Variants in NCAPD3 observed in about 807,000 individuals in gnomAD.
NCAPD3 encodes condensin-2 complex subunit D3.
In NCAPD3, 105 loss-of-function variants were observed where a neutral mutation model predicts 182.9. That is an observed-to-expected ratio of 0.57 (90% CI 0.49 to 0.68). The LOEUF is 0.68. Among genes scored for constraint, NCAPD3 ranks in the 30% least tolerant of loss-of-function variants. NCAPD3 has a pLI of 0.00. For missense variants in NCAPD3, 1,944 were observed against 1,837.0 expected, an observed-to-expected ratio of 1.06 and a Z score of -1.07; for synonymous variants, 815 against 679.9, an observed-to-expected ratio of 1.20 and a Z score of -3.09.
intron 27 of NCAPD3, 68 bp downstream of exon 27, chr11:134,167,926 CGT>C: frequency 7.0e-7 from 1 of 1,419,984 alleles, no homozygotes; most frequent in Non-Finnish European, 9.7e-7. Flanking sequence ...GGTGCACACT[CGT>C]GAGATGAGCT....
chr11:134,191,984 T>C (rs1324390686), intron 16 of NCAPD3, among the ~76,000 whole-genome samples: 1 of 152,254 alleles, frequency 6.6e-6, no homozygotes, highest in African/African-American at 2.4e-5. Flanking sequence ...TGTGGCATCA[T>C]GCTGACATTC....
intron 23 of NCAPD3, 27 bp downstream of exon 23, chr11:134,177,192 A>T: frequency 6.5e-7 from 1 of 1,526,884 alleles, no homozygotes; most frequent in Non-Finnish European, 9.1e-7. Flanking sequence ...GTGAAGGGGA[A>T]AGGACAGATT....
intron 16 of NCAPD3, among the ~76,000 whole-genome samples, chr11:134,186,640 T>C (rs1157799640): frequency 6.6e-6 from 1 of 152,236 alleles, no homozygotes; most frequent in African/African-American, 2.4e-5. Context: ...CTTCCCTTGA[T>C]TAATTTTTCT....
intron 3 of NCAPD3, among the ~76,000 whole-genome samples, chr11:134,216,493 A>G (rs1200703946): frequency 6.6e-6 from 1 of 152,198 alleles, no homozygotes; most frequent in African/African-American, 2.4e-5. Context: ...GCTCTCCTTC[A>G]AGTATTACTA....
At chr11:134,212,375 T>TGTGTGTG (rs1937866526) in intron 3 of NCAPD3, among the ~76,000 whole-genome samples, 52 of 143,274 alleles carry the variant, frequency 3.6e-4, no homozygotes, top group African/African-American at 7.7e-4. Flanking sequence ...TTTTGTTGTT[T>TGTGTGTG]TGTGTGTGTG....
chr11:134,205,722 G>A (rs953585388), intron 8 of NCAPD3, among the ~76,000 whole-genome samples: 4 of 152,148 alleles, frequency 2.6e-5, no homozygotes, highest in Non-Finnish European at 1.5e-5. Flanking sequence ...CATTTTTAGT[G>A]ATGTTTATCT....
Position 134,163,627 on chromosome 11 carries a change from G to C in NCAPD3, c.3574-1736C>G, listed in dbSNP as rs974676261. On this transcript the variant is annotated intron_variant, in intron 27 of 34. Transcript: ENST00000534548. Reference sequence around the variant, plus strand: ...AGGCAGGAGAATGGCATGAACCCAGGGGGGCAGAGCTTGCACTGAGCAGAG... The same window carrying C: ...AGGCAGGAGAATGGCATGAACCCAGCGGGGCAGAGCTTGCACTGAGCAGAG... Among the ~76,000 whole-genome samples, 18 of 151,478 alleles carry C rather than the reference G, an allele frequency of 1.2e-4. No homozygotes were observed. The East Asian group carries it at 1.6e-3, about 13-fold the overall frequency.
At chr11:134,160,897 AT>A (rs1460274957) in intron 28 of NCAPD3, among the ~76,000 whole-genome samples, 1 of 150,402 alleles carries the variant, frequency 6.6e-6, no homozygotes, top group African/African-American at 2.5e-5. Flanking sequence ...AGGAAGGCTT[AT>A]TTTTCTTAAG....
At chr11:134,207,034 G>A in intron 7 of NCAPD3, among the ~76,000 whole-genome samples, 1 of 152,152 alleles carries the variant, frequency 6.6e-6, no homozygotes, top group East Asian at 1.9e-4. Context: ...GGAATTAACT[G>A]TCATTTACAT....
chr11:134,192,653 C>A (rs759541197), intron 16 of NCAPD3, 36 bp downstream of exon 16: 4 of 1,568,766 alleles, frequency 2.5e-6, no homozygotes, highest in Middle Eastern at 1.7e-4. Flanking sequence ...CTACGGCCTT[C>A]TTCTATAGGG....
At chr11:134,224,556 T>C (rs1282916989), upstream of NCAPD3, 1 of 152,366 alleles carries the variant, frequency 6.6e-6, no homozygotes, top group East Asian at 1.9e-4. Context: ...TCCCTGCGCA[T>C]GCGCAGCGAG....
At chr11:134,167,068 G>T (rs113682984) in intron 27 of NCAPD3, among the ~76,000 whole-genome samples, 1 of 97,060 alleles carries the variant, frequency 1.0e-5, no homozygotes, top group Non-Finnish European at 2.0e-5. Flanking sequence ...AGATGAGCTT[G>T]GGGGAGCTGC....
intron 13 of NCAPD3, among the ~76,000 whole-genome samples, chr11:134,196,268 G>A (rs563987542): frequency 1.3e-5 from 2 of 148,736 alleles, no homozygotes; most frequent in South Asian, 2.1e-4. Context: ...TTTTTAGAAC[G>A]ACAAGTTTTA....
At chr11:134,174,382 C>CAAAAAAA (rs34533048) in intron 24 of NCAPD3, among the ~76,000 whole-genome samples, 10 of 53,608 alleles carry the variant, frequency 1.9e-4, no homozygotes, top group Admixed American at 5.5e-4. Flanking sequence ...GACCCTGTCT[C>CAAAAAAA]AAAAAAAAAA....
intron 1 of NCAPD3, chr11:134,223,093 T>C: frequency 3.3e-6 from 1 of 306,130 alleles, no homozygotes; most frequent in South Asian, 5.7e-5. Flanking sequence ...GAATGGCAGC[T>C]CTTATAAAGC....
intron 32 of NCAPD3, among the ~76,000 whole-genome samples, chr11:134,156,086 C>T (rs1451987121): frequency 6.6e-6 from 1 of 152,220 alleles, no homozygotes; most frequent in Non-Finnish European, 1.5e-5. Flanking sequence ...AGCACGCTCT[C>T]ATCTTCCCCT....
intron 16 of NCAPD3, among the ~76,000 whole-genome samples, chr11:134,189,181 G>T (rs979869968): frequency 1.3e-5 from 2 of 152,098 alleles, no homozygotes; most frequent in Non-Finnish European, 2.9e-5. Flanking sequence ...ATTTGTAGTT[G>T]TATCACCCAT....
chr11:134,223,057 A>C, intron 1 of NCAPD3: 1 of 250,286 alleles, frequency 4.0e-6, no homozygotes, highest in Non-Finnish European at 7.9e-6. Flanking sequence ...TCCAAAGGTT[A>C]TGCTCTTGGA....
chr11:134,157,816 A>G, intron 31 of NCAPD3, 112 bp downstream of exon 31: 1 of 1,195,010 alleles, frequency 8.4e-7, no homozygotes, highest in Non-Finnish European at 1.2e-6. Flanking sequence ...AATTAACGTT[A>G]TTTGTTTTAA....
Sources: gnomAD v4.1 joint callset for allele counts (sites outside exome capture counted in the v4.1 genomes callset) on GRCh38, gnomAD v4.1.1 for gene constraint, MANE v1.5 for transcripts, NCBI Gene and HGNC (gene_info 2026-07-23, HGNC 2026-07-21) for gene names.